BBX: variants seen among roughly 807,000 people sequenced by gnomAD.
BBX encodes the protein BBX high mobility group box domain containing.
In BBX, 30 loss-of-function variants were observed where a neutral mutation model predicts 100.2. The observed-to-expected ratio is 0.30, with a 90% CI of 0.22 to 0.41. The LOEUF is 0.41. Among genes scored for constraint, BBX ranks in the 10% least tolerant of loss-of-function variants. The probability of loss-of-function intolerance (pLI) is 1.00; values close to 1 mark genes in which losing one functional copy is unlikely to be tolerated. For synonymous variants in BBX, 376 were observed against 388.1 expected (o/e 0.97, Z 0.37); for missense variants, 1,023 against 1,129.8 (o/e 0.91, Z 1.35).
chr3:107,578,862 A>G (rs11917650), intron 2 of BBX, among the ~76,000 whole-genome samples: 7,839 of 152,210 alleles, frequency 0.052, 651 homozygotes, highest in African/African-American at 0.17. Flanking sequence ...GTCAAATGCA[A>G]GAGTAGCAAA....
chr3:107,630,162 CT>C (rs1244471481), intron 2 of BBX, among the ~76,000 whole-genome samples: 2 of 152,148 alleles, frequency 1.3e-5, no homozygotes, highest in African/African-American at 4.8e-5. Context: ...CTCTGGATGC[CT>C]GAGACCAATG....
rs35373378 is a variant in BBX, at chr3:107,746,620, A to G, written c.751-1345A>G. Among the ~76,000 whole-genome samples the G allele has an allele frequency of 3.6e-3, 535 of 147,246 alleles. 1 individual carries two copies. The highest frequency in any genetic ancestry group is 4.8e-3 in the Non-Finnish European group (320 of 66,322). On this transcript the variant is annotated intron_variant, in intron 8 of 17. Coordinates refer to ENST00000325805, the MANE Select transcript of BBX (RefSeq NM_001142568.3). ...AATTACTCAGTCAGTCTCTCTACTA[A>G]TTTTTTTTTTTTAATTTTGAGACAA... is the stretch of plus-strand genomic sequence containing the variant.
At chr3:107,554,951 C>G (rs1412743582) in intron 2 of BBX, among the ~76,000 whole-genome samples, 1 of 151,856 alleles carries the variant, frequency 6.6e-6, no homozygotes, top group Non-Finnish European at 1.5e-5. Context: ...GCCTGTAATT[C>G]CAGCTACTCG....
At chr3:107,710,698 A>G (rs1454963032) in intron 4 of BBX, 76 bp downstream of exon 4, 5 of 1,334,212 alleles carry the variant, frequency 3.7e-6, no homozygotes, top group East Asian at 2.5e-5. Context: ...GTGAACATGA[A>G]TGATATTACA....
chr3:107,796,343 T>A (rs1461554783), intron 15 of BBX, among the ~76,000 whole-genome samples: 1 of 152,244 alleles, frequency 6.6e-6, no homozygotes, highest in Non-Finnish European at 1.5e-5. Flanking sequence ...GATACACCTT[T>A]CCATCTTTGG....
Position 107,805,471 on chromosome 3 carries a change from T to C in BBX, c.*14T>C, listed in dbSNP as rs766916566. 4 of 1,614,146 alleles carry C rather than the reference T, an allele frequency of 2.5e-6. No homozygotes were observed. Among genetic ancestry groups the C allele is most frequent in the Non-Finnish European group, 3.4e-6 (4 of 1,179,962 alleles). ...GCTGACCAGTGAAGCGCCCTTTCATTGTAAAACATTGTGCTTTACCTACTA... is the reference window on the plus strand; with the variant it reads ...GCTGACCAGTGAAGCGCCCTTTCATCGTAAAACATTGTGCTTTACCTACTA... On this transcript the variant is annotated 3_prime_UTR_variant, in exon 18 of 18. Transcript: ENST00000325805.
At position 107,798,730 on chromosome 3, in the gene BBX, G is replaced by T. The variant is rs191937517; in HGVS notation, c.2551+10G>T. ...GCAGGAGGTACTTTGGGTAAGAAGA[G>T]AGAGCTTTAGACCAGAGGTGTCCAA... On this transcript the variant is annotated intron_variant, in intron 16 of 17. Transcript: ENST00000325805. 1.3e-3 allele frequency: 2,133 copies of T among 1,610,056 alleles called. 8 individuals are homozygous for T. The highest frequency in any genetic ancestry group is 1.4e-3 in the Non-Finnish European group (1,639 of 1,177,780).
Position 107,773,039 on chromosome 3 carries a change from G to A in BBX, c.1318G>A (p.Asp440Asn). 4 of 1,613,946 alleles carry A rather than the reference G, an allele frequency of 2.5e-6. No homozygotes were observed. The highest frequency in any genetic ancestry group is 2.5e-6 in the Non-Finnish European group (3 of 1,179,976). Residue 440 changes from aspartate (D) to asparagine (N), a missense_variant, in exon 11 of 18, where the codon GAT becomes AAT. Coordinates refer to ENST00000325805, the MANE Select transcript of BBX (RefSeq NM_001142568.3). This position sits in a 1 kb window ranked among gnomAD's most constrained non-coding sequence, Gnocchi z 4.1. ...CHPHGIMIIE[D>N]PAALNKPEKL... ...TCCTCATGGAATTATGATCATTGAG[G>A]ATCCCGCAGCATTAAACAAGCCAGA...
At chr3:107,603,663 C>T (rs371314302) in intron 2 of BBX, among the ~76,000 whole-genome samples, 18 of 152,240 alleles carry the variant, frequency 1.2e-4, no homozygotes, top group African/African-American at 4.3e-4. Flanking sequence ...CAGATGTGAG[C>T]CACCGTACCC....
intron 5 of BBX, among the ~76,000 whole-genome samples, chr3:107,717,964 A>AAT (rs1316707056): frequency 6.6e-6 from 1 of 151,974 alleles, no homozygotes; most frequent in Non-Finnish European, 1.5e-5. Context: ...CAAAATACAG[A>AAT]GTTTCAAGAC....
intron 7 of BBX, among the ~76,000 whole-genome samples, chr3:107,734,880 G>C (rs529215979): frequency 2.7e-4 from 41 of 152,206 alleles, no homozygotes; most frequent in Non-Finnish European, 3.2e-4. Flanking sequence ...CTTTATCTCT[G>C]AAGTGGAAAT....
chr3:107,565,676 G>A (rs1031668332), intron 2 of BBX, among the ~76,000 whole-genome samples: 2 of 151,218 alleles, frequency 1.3e-5, no homozygotes, highest in Admixed American at 6.6e-5. Context: ...CACCATCTTG[G>A]TCAGACTGGT....
At chr3:107,600,384 A>G (rs1576451578) in intron 2 of BBX, among the ~76,000 whole-genome samples, 1 of 152,258 alleles carries the variant, frequency 6.6e-6, no homozygotes, top group African/African-American at 2.4e-5. Context: ...TAGATGAGCT[A>G]CTAGTGGTAG....
chr3:107,634,286 C>T (rs2107739703), intron 2 of BBX, among the ~76,000 whole-genome samples: 1 of 152,278 alleles, frequency 6.6e-6, no homozygotes, highest in South Asian at 2.1e-4. Context: ...CATGCTAGAA[C>T]TTCAAAAGAG....
At chr3:107,777,545 G>C (rs1420727765) in intron 12 of BBX, among the ~76,000 whole-genome samples, 1 of 152,164 alleles carries the variant, frequency 6.6e-6, no homozygotes, top group Non-Finnish European at 1.5e-5. Flanking sequence ...TAGGTTGCAT[G>C]TTAGTTTAAT....
rs547579404 is a variant in BBX, at chr3:107,540,427, C to T, written c.-84+14029C>T. On this transcript the variant is annotated intron_variant, in intron 2 of 17. Transcript: ENST00000325805. Reference sequence around the variant, plus strand: ...GTGTCTAATAAATTTTTTGTTGAATCGAATTACTCCGTTTTATATTAATAC... The same window carrying T: ...GTGTCTAATAAATTTTTTGTTGAATTGAATTACTCCGTTTTATATTAATAC... 4.6e-5 allele frequency among the ~76,000 whole-genome samples: 7 copies of T among 152,182 alleles called. No individual in the cohort carries two copies. The South Asian group carries it at 8.3e-4, about 18-fold the overall frequency.
At chr3:107,660,651 T>G (rs2058400531) in intron 3 of BBX, among the ~76,000 whole-genome samples, 1 of 152,116 alleles carries the variant, frequency 6.6e-6, no homozygotes, top group Admixed American at 6.5e-5. Flanking sequence ...GATACACAGT[T>G]GAATAGAAAT....
chr3:107,766,860 G>T (rs2066435145), intron 10 of BBX, among the ~76,000 whole-genome samples: 1 of 152,156 alleles, frequency 6.6e-6, no homozygotes, highest in Non-Finnish European at 1.5e-5. Flanking sequence ...ATACACCATG[G>T]AATACTATGC....
chr3:107,777,163 A>G (rs897599759), intron 12 of BBX, among the ~76,000 whole-genome samples: 1 of 152,178 alleles, frequency 6.6e-6, no homozygotes, highest in African/African-American at 2.4e-5. Context: ...TGTCTATCAT[A>G]TTTCACTGTA....
Sources: gnomAD v4.1 joint callset for allele counts (sites outside exome capture counted in the v4.1 genomes callset) on GRCh38, gnomAD v4.1.1 for gene constraint, Gnocchi (gnomAD v3.1) non-coding constraint, MANE v1.5 for transcripts, NCBI Gene and HGNC (gene_info 2026-07-23, HGNC 2026-07-21) for gene names.